PLCB1: variants seen among roughly 807,000 people sequenced by gnomAD.
PLCB1 encodes the protein phospholipase C beta 1.
Under a neutral mutation model 161.8 loss-of-function variants are expected in PLCB1, and 46 were observed. That is an observed-to-expected ratio of 0.28 (90% CI 0.22 to 0.36). The LOEUF is 0.36. Among genes scored for constraint, PLCB1 ranks in the 10% least tolerant of loss-of-function variants. The pLI is 1.00. For synonymous variants in PLCB1, 517 were observed against 503.7 expected, an observed-to-expected ratio of 1.03 and a Z score of -0.35; for missense variants, 1,016 against 1,472.5, an observed-to-expected ratio of 0.69 and a Z score of 5.07.
intron 4 of PLCB1, among the ~76,000 whole-genome samples, chr20:8,637,996 C>T (rs1416465643): frequency 1.3e-5 from 2 of 152,204 alleles, no homozygotes; most frequent in Non-Finnish European, 2.9e-5. Flanking sequence ...TGGGCTCACC[C>T]GCCATTCTCC....
At chr20:8,691,093 G>C (rs895963615) in intron 10 of PLCB1, among the ~76,000 whole-genome samples, 3 of 152,086 alleles carry the variant, frequency 2.0e-5, no homozygotes, top group Non-Finnish European at 2.9e-5. Context: ...TTTGACTCAT[G>C]GGTCAAAATT....
Position 8,658,432 on chromosome 20 carries a change from A to C in PLCB1, c.696-106A>C, listed in dbSNP as rs574764165. 2.5e-5 allele frequency: 21 copies of C among 854,134 alleles called. 1 individual carries two copies. The South Asian group carries it at 3.6e-4, about 14-fold the overall frequency. 52.9% of individuals were successfully genotyped at this position (854,134 alleles called of 1,614,324 possible). ...GGCAAGATAGGAGTTTCAATATAGC[A>C]TTTTCTTATCAAGTATAAGATTTTA... is the stretch of plus-strand genomic sequence containing the variant. On this transcript the variant is annotated intron_variant, in intron 8 of 31. Transcript: ENST00000338037.
chr20:8,695,540 CA>C (rs1272406325), intron 10 of PLCB1, among the ~76,000 whole-genome samples: 1 of 152,030 alleles, frequency 6.6e-6, no homozygotes. Context: ...TGTCTCTAAA[CA>C]AAATACAAAA....
At chr20:8,394,317 A>C (rs1987698201) in intron 3 of PLCB1, among the ~76,000 whole-genome samples, 1 of 152,168 alleles carries the variant, frequency 6.6e-6, no homozygotes, top group African/African-American at 2.4e-5. Context: ...CCTTGAATTG[A>C]GGTTAGATTA....
At chr20:8,137,120 AC>A (rs906656804) in intron 1 of PLCB1, among the ~76,000 whole-genome samples, 11 of 152,022 alleles carry the variant, frequency 7.2e-5, no homozygotes, top group Admixed American at 7.2e-4. Flanking sequence ...CACACCTCCA[AC>A]CCCCACAGCT....
chr20:8,523,488 C>CTATA (rs1984443953), intron 3 of PLCB1, among the ~76,000 whole-genome samples: 1 of 59,376 alleles, frequency 1.7e-5, no homozygotes, highest in African/African-American at 9.4e-5. Flanking sequence ...CTCTCTCTCT[C>CTATA]TCTCTCTCTA....
chr20:8,327,162 A>G (rs1985187112), intron 2 of PLCB1, among the ~76,000 whole-genome samples: 1 of 152,198 alleles, frequency 6.6e-6, no homozygotes, highest in Non-Finnish European at 1.5e-5. Flanking sequence ...ATGGGATTAC[A>G]GGTGTGAGCC....
At chr20:8,715,241 A>T (rs186166331) in intron 12 of PLCB1, among the ~76,000 whole-genome samples, 1 of 152,336 alleles carries the variant, frequency 6.6e-6, no homozygotes, top group Non-Finnish European at 1.5e-5. Context: ...GAGAAAAAAA[A>T]TTATTGCTTT....
chr20:8,318,670 A>G (rs1336082193), intron 2 of PLCB1, among the ~76,000 whole-genome samples: 2 of 152,142 alleles, frequency 1.3e-5, no homozygotes, highest in East Asian at 1.9e-4. Flanking sequence ...CATTCTGTCT[A>G]TACCCACTCC....
At chr20:8,271,383 G>A (rs1982272778) in intron 2 of PLCB1, among the ~76,000 whole-genome samples, 1 of 152,104 alleles carries the variant, frequency 6.6e-6, no homozygotes, top group African/African-American at 2.4e-5. Context: ...ACCTCCAGTA[G>A]AATCTCAATA....
intron 31 of PLCB1, among the ~76,000 whole-genome samples, chr20:8,826,419 C>T (rs1257011123): frequency 1.3e-5 from 2 of 149,550 alleles, no homozygotes; most frequent in South Asian, 4.2e-4. Context: ...GGCATGAACC[C>T]GGGAGGCAGA....
At chr20:8,396,274 G>A (rs1376626681) in intron 3 of PLCB1, among the ~76,000 whole-genome samples, 3 of 152,008 alleles carry the variant, frequency 2.0e-5, no homozygotes, top group African/African-American at 7.2e-5. Flanking sequence ...GTGTGGCAAC[G>A]TTCACTCAAG....
chr20:8,860,815 A>G (rs1987230185), intron 31 of PLCB1, among the ~76,000 whole-genome samples: 1 of 152,236 alleles, frequency 6.6e-6, no homozygotes, highest in African/African-American at 2.4e-5. Context: ...ACAATCATTA[A>G]TTAGTTTTCA....
intron 3 of PLCB1, among the ~76,000 whole-genome samples, chr20:8,499,258 A>C (rs890963646): frequency 6.6e-6 from 1 of 152,218 alleles, no homozygotes; most frequent in African/African-American, 2.4e-5. Flanking sequence ...AATTCTGAGA[A>C]ACATACAAGT....
At chr20:8,308,375 G>A (rs1212027720) in intron 2 of PLCB1, among the ~76,000 whole-genome samples, 2 of 151,776 alleles carry the variant, frequency 1.3e-5, no homozygotes, top group South Asian at 2.1e-4. Context: ...CCAGCACTTC[G>A]GGAGGCCAAG....
chr20:8,335,266 G>A (rs1985528545), intron 2 of PLCB1, among the ~76,000 whole-genome samples: 1 of 152,186 alleles, frequency 6.6e-6, no homozygotes. Context: ...TTGTACTCCT[G>A]ATGTCTCACC....
At chr20:8,642,741 A>G (rs966561830) in intron 4 of PLCB1, among the ~76,000 whole-genome samples, 1 of 152,238 alleles carries the variant, frequency 6.6e-6, no homozygotes, top group African/African-American at 2.4e-5. Flanking sequence ...TTTTAGGGCA[A>G]TGAAACTACT....
chr20:8,628,477 C>A, intron 4 of PLCB1, 46 bp downstream of exon 4: 1 of 1,601,376 alleles, frequency 6.2e-7, no homozygotes, highest in South Asian at 1.1e-5. Context: ...TGATCTGAAT[C>A]CTTGAGCTAT....
At chr20:8,565,516 A>G (rs997236776) in intron 3 of PLCB1, among the ~76,000 whole-genome samples, 3 of 151,322 alleles carry the variant, frequency 2.0e-5, no homozygotes, top group African/African-American at 4.8e-5. Flanking sequence ...TATACTTTAA[A>G]TATAATAAAG....
Sources: allele counts gnomAD v4.1 joint callset (sites outside exome capture counted in the v4.1 genomes callset), GRCh38; gene constraint gnomAD v4.1.1; transcripts MANE v1.5; gene names NCBI Gene and HGNC (gene_info 2026-07-23, HGNC 2026-07-21).